Variants in ZNF417 observed in about 807,000 individuals in gnomAD.
The protein encoded by ZNF417 is zinc finger protein 417.
ZNF417 carries 5 observed loss-of-function variants against 7.4 expected under a neutral mutation model. That is an observed-to-expected ratio of 0.68 (90% CI 0.35 to 1.43). The LOEUF is 1.43. ZNF417 is among the 40% of genes most tolerant of loss of function. The probability of loss-of-function intolerance (pLI) is 0.04; values close to 1 mark genes in which losing one functional copy is unlikely to be tolerated. For synonymous variants in ZNF417, 147 were observed against 239.1 expected, an observed-to-expected ratio of 0.61 and a Z score of 3.55; for missense variants, 437 against 697.3, an observed-to-expected ratio of 0.63 and a Z score of 4.20.
rs545748238 is a variant in ZNF417, at chr19:57,907,847, G to C, written c.*703C>G. The C allele has an allele frequency of 6.5e-6, 1 of 152,800 alleles. No individual in the cohort carries two copies. Among genetic ancestry groups the C allele is most frequent in the African/African-American group, 2.4e-5 (1 of 41,462 alleles). 9.5% of individuals were successfully genotyped at this position (152,800 alleles called of 1,614,324 possible). A position where few individuals can be genotyped will look rare whatever the true frequency, so the allele number is the denominator to read the frequency against. On this transcript the variant is annotated 3_prime_UTR_variant, in exon 3 of 3. Transcript: ENST00000312026. ...TTATCTCCAGAAAAGAGCTTGGAGT[G>C]AGGAAATTAGTTAATGTGGATGAAT...
Position 57,916,460 on chromosome 19 carries a change from G to T in ZNF417, c.-49C>A, listed in dbSNP as rs2071950079. 1.9e-6 allele frequency: 3 copies of T among 1,613,102 alleles called. No homozygotes were observed. Among genetic ancestry groups the T allele is most frequent in the Non-Finnish European group, 1.7e-6 (2 of 1,179,760 alleles). ...CCGGGAGCAGTGGTCGCCGTCACGGGGCTGCAGAGCCGCCTCTGGGCACCG... is the reference window on the plus strand; with the variant it reads ...CCGGGAGCAGTGGTCGCCGTCACGGTGCTGCAGAGCCGCCTCTGGGCACCG... On this transcript the variant is annotated 5_prime_UTR_variant, in exon 1 of 3. Transcript: ENST00000312026.
rs765477651 is a variant in ZNF417 at position 57,909,188 on chromosome 19, T to C, written c.1090A>G (p.Lys364Glu). The change falls in exon 3 of 3, where the codon AAG (lysine) becomes GAG (glutamate). Residue 364 changes from lysine (K) to glutamate (E), a missense_variant. Lys to Glu is a moderately conservative substitution (Grantham distance 56, BLOSUM62 1). Around this residue, in one of 5 missense-constraint regions of ZNF417, gnomAD observed 53 missense variants for 91.9 expected, o/e 0.58. Transcript: ENST00000312026. Reference protein sequence around the residue: ...CGECGKSFRQKFCFINHQRVH... With the variant: ...CGECGKSFRQEFCFINHQRVH... Reference sequence around the variant, plus strand: ...CGCTGATGGTTAATAAAGCAGAACTTCTGACGAAAAGATTTCCCACATTCC... The same window carrying C: ...CGCTGATGGTTAATAAAGCAGAACTCCTGACGAAAAGATTTCCCACATTCC... 1.6e-5 allele frequency: 26 copies of C among 1,614,030 alleles called. No individual in the cohort carries two copies. In the South Asian group the frequency reaches 2.0e-4, roughly 12 times the overall value.
rs974079190 is a variant in ZNF417 at position 57,907,582 on chromosome 19, T to C, written c.*968A>G. ...TCAGAATGTCCCATCTCCCTGTCAG[T>C]ATCAGTGTCCCAGATAATCTTCTTC... is the stretch of plus-strand genomic sequence containing the variant. On this transcript the variant is annotated 3_prime_UTR_variant, in exon 3 of 3. Transcript: ENST00000312026. The C allele has an allele frequency of 6.5e-6, 1 of 154,826 alleles. No individual in the cohort carries two copies. The highest frequency in any genetic ancestry group is 2.4e-5 in the African/African-American group (1 of 41,522). 9.6% of individuals were successfully genotyped at this position (154,826 alleles called of 1,614,324 possible).
In ZNF417 at chr19:57,912,629, G is replaced by A. The variant is rs370461605; in HGVS notation, c.34-440C>T. ...CTTTGTTTTTTGGGGTTTTTTTTGA[G>A]ACATAGTCTAGCTCTGTCACCCAGG... is the stretch of plus-strand genomic sequence containing the variant. On this transcript the variant is annotated intron_variant, in intron 1 of 2. Coordinates refer to ENST00000312026, the MANE Select transcript of ZNF417 (RefSeq NM_152475.3). 1.7e-4 allele frequency among the ~76,000 whole-genome samples: 26 copies of A among 152,046 alleles called. 1 individual carries two copies. The East Asian group carries it at 4.7e-3, about 27-fold the overall frequency.
chr19:57,916,106 C>G (rs1401004525), intron 1 of ZNF417, among the ~76,000 whole-genome samples: 1 of 152,284 alleles, frequency 6.6e-6, no homozygotes, highest in African/African-American at 2.4e-5. Context: ...GTCTCCAGAA[C>G]AGCCTGACGG....
chr19:57,910,057 T>C lies in ZNF417; in HGVS notation c.221A>G (p.Gln74Arg), dbSNP rs570809688. ...EAPCKQRISV[Q>R]RESQSRTPRA... The stretch of plus-strand genomic sequence containing the variant: ...AGGAGTCCTGCTCTGAGACTCTCTT[T>C]GTACAGAAATTCTCTGCTTACAAGG... The change falls in exon 3 of 3, where the codon CAA becomes CGA. Residue 74 changes from glutamine (Q) to arginine (R), a missense_variant. By Grantham distance (43) the Gln-to-Arg change is conservative (BLOSUM62 1). Coordinates refer to ENST00000312026, the MANE Select transcript of ZNF417 (RefSeq NM_152475.3). The C allele has an allele frequency of 2.6e-6, 4 of 1,548,512 alleles. No homozygotes were observed. The African/African-American group carries it at 4.2e-5, about 16-fold the overall frequency.
intron 1 of ZNF417, among the ~76,000 whole-genome samples, chr19:57,912,982 G>C (rs1393862055): frequency 6.6e-6 from 1 of 151,746 alleles, no homozygotes; most frequent in African/African-American, 2.4e-5. Flanking sequence ...AATATGCAAT[G>C]GTTTGTTTCC....
At chr19:57,910,869 C>A (rs879032712) in intron 2 of ZNF417, among the ~76,000 whole-genome samples, 2 of 151,984 alleles carry the variant, frequency 1.3e-5, no homozygotes, top group Non-Finnish European at 2.9e-5. Flanking sequence ...CACGGTGAAA[C>A]CCTGTGTCTA....
At chr19:57,915,745 CGA>C (rs1298151197) in intron 1 of ZNF417, 9 of 408,298 alleles carry the variant, frequency 2.2e-5, no homozygotes, top group Non-Finnish European at 3.4e-5. Context: ...GCAGGACTAA[CGA>C]ATTAGCTACA....
chr19:57,911,519 C>T (rs916658890), intron 2 of ZNF417, among the ~76,000 whole-genome samples: 25 of 152,210 alleles, frequency 1.6e-4, no homozygotes, highest in African/African-American at 5.3e-4. Flanking sequence ...ACATAGGACC[C>T]GACGATGTAA....
chr19:57,913,859 A>G (rs2122538309), intron 1 of ZNF417, among the ~76,000 whole-genome samples: 1 of 152,240 alleles, frequency 6.6e-6, no homozygotes, highest in South Asian at 2.1e-4. Flanking sequence ...CCCTGAAAAG[A>G]TTTACCACCA....
chr19:57,912,284 A>G (rs2122532936), intron 1 of ZNF417, 95 bp from the exon 2 acceptor site: 4 of 1,572,714 alleles, frequency 2.5e-6, no homozygotes, highest in Non-Finnish European at 3.4e-6. Flanking sequence ...TCCTCCTCCC[A>G]AGGTCCCCAA....
chr19:57,915,362 C>T, intron 1 of ZNF417: 1 of 260,446 alleles, frequency 3.8e-6, no homozygotes, highest in East Asian at 1.1e-4. Context: ...CCTCGGCCTG[C>T]TTACTCTTCC....
At chr19:57,914,154 C>T (rs2071923403) in intron 1 of ZNF417, among the ~76,000 whole-genome samples, 2 of 152,140 alleles carry the variant, frequency 1.3e-5, no homozygotes, top group South Asian at 4.1e-4. Context: ...GGGCTCATGC[C>T]TGATTCCTCT....
At position 57,909,183 on chromosome 19, in the gene ZNF417, G is replaced by C; in HGVS notation, c.1095C>G (p.Phe365Leu). Residue 365 changes from phenylalanine (F) to leucine (L), a missense_variant, in exon 3 of 3, where the codon TTC becomes TTG. This residue lies in a region of ZNF417 where 53 missense variants were observed against 91.9 expected (regional missense o/e 0.58). Coordinates refer to ENST00000312026, the MANE Select transcript of ZNF417 (RefSeq NM_152475.3). ...GECGKSFRQK[F>L]CFINHQRVHT... ...GAACACGCTGATGGTTAATAAAGCA[G>C]AACTTCTGACGAAAAGATTTCCCAC... The C allele has an allele frequency of 1.9e-6, 3 of 1,613,966 alleles. No homozygotes were observed. Among genetic ancestry groups the C allele is most frequent in the Non-Finnish European group, 2.5e-6 (3 of 1,179,864 alleles).
At chr19:57,912,453 T>G (rs551957210) in intron 1 of ZNF417, among the ~76,000 whole-genome samples, 1 of 152,184 alleles carries the variant, frequency 6.6e-6, no homozygotes, top group Non-Finnish European at 1.5e-5. Context: ...TCCAAGCTCA[T>G]GTAAAGCCCA....
intron 1 of ZNF417, 114 bp downstream of exon 1, chr19:57,916,265 G>A: frequency 6.3e-7 from 1 of 1,591,938 alleles, no homozygotes; most frequent in South Asian, 1.1e-5. Context: ...GAGCGCCTCA[G>A]TGTTCCTACG....
At position 57,906,630 on chromosome 19, in the gene ZNF417, G is replaced by A. The variant is rs1600145841; in HGVS notation, c.*1920C>T. On this transcript the variant is annotated 3_prime_UTR_variant, in exon 3 of 3. Transcript: ENST00000312026. ...ACAAAAATTAGGTGGGCGTGGTGGA[G>A]GGAACCTATAGGCCCAGCTACTTGG... 1.3e-5 allele frequency among the ~76,000 whole-genome samples: 2 copies of A among 149,512 alleles called. No individual in the cohort carries two copies. The highest frequency in any genetic ancestry group is 6.7e-5 in the Admixed American group (1 of 14,928).
intron 1 of ZNF417, among the ~76,000 whole-genome samples, chr19:57,914,205 G>A (rs1285471055): frequency 1.3e-5 from 2 of 152,042 alleles, no homozygotes; most frequent in South Asian, 2.1e-4. Context: ...CTAGCTGTCT[G>A]TCAGGCGTGA....
Sources: allele counts gnomAD v4.1 joint callset (sites outside exome capture counted in the v4.1 genomes callset), GRCh38; gene constraint gnomAD v4.1.1; regional missense constraint gnomAD v4.1.1; transcripts MANE v1.5; gene names NCBI Gene and HGNC (gene_info 2026-07-23, HGNC 2026-07-21).